SMYD3: variants seen among roughly 807,000 people sequenced by gnomAD.
The protein encoded by SMYD3 is SET and MYND domain containing 3.
A neutral mutation model predicts 57.7 loss-of-function variants in SMYD3; 36 were observed. The observed-to-expected ratio is 0.62, with a 90% CI of 0.48 to 0.82. SMYD3 has a LOEUF of 0.82. Among genes scored for constraint, SMYD3 ranks in the 40% least tolerant of loss-of-function variants. The pLI is 0.00. For synonymous variants in SMYD3, 211 were observed against 195.0 expected, an observed-to-expected ratio of 1.08 and a Z score of -0.68; for missense variants, 515 against 538.8, an observed-to-expected ratio of 0.96 and a Z score of 0.44.
chr1:246,139,097 G>A (rs2148106517), intron 5 of SMYD3, among the ~76,000 whole-genome samples: 1 of 152,258 alleles, frequency 6.6e-6, no homozygotes, highest in South Asian at 2.1e-4. Flanking sequence ...AATCAATAAG[G>A]AGTAATGGCG....
At chr1:246,402,076 A>G (rs1191747298) in intron 1 of SMYD3, among the ~76,000 whole-genome samples, 4 of 152,202 alleles carry the variant, frequency 2.6e-5, no homozygotes, top group Non-Finnish European at 5.9e-5. Context: ...TGAAAGAAGA[A>G]TAACCTCTCT....
intron 5 of SMYD3, among the ~76,000 whole-genome samples, chr1:246,250,833 A>T (rs753132204): frequency 7.2e-5 from 11 of 152,210 alleles, no homozygotes; most frequent in Non-Finnish European, 1.5e-4. Flanking sequence ...TAAAATGTAA[A>T]CCTGAAAGCC....
intron 5 of SMYD3, among the ~76,000 whole-genome samples, chr1:246,110,382 G>A (rs1363328044): frequency 6.6e-6 from 1 of 152,164 alleles, no homozygotes; most frequent in Non-Finnish European, 1.5e-5. Flanking sequence ...GAAGGGAGTG[G>A]GTAGATGAAT....
At chr1:246,213,359 A>T (rs2063118179) in intron 5 of SMYD3, among the ~76,000 whole-genome samples, 1 of 152,200 alleles carries the variant, frequency 6.6e-6, no homozygotes, top group African/African-American at 2.4e-5. Context: ...TACATTGGCT[A>T]GGGTCCAGCT....
chr1:246,494,095 C>T (rs1352932849), intron 1 of SMYD3, among the ~76,000 whole-genome samples: 1 of 152,206 alleles, frequency 6.6e-6, no homozygotes, highest in Non-Finnish European at 1.5e-5. Context: ...GACTCCTACA[C>T]AAATCTTCCA....
intron 5 of SMYD3, among the ~76,000 whole-genome samples, chr1:246,315,933 T>TA (rs150197908): frequency 0.025 from 3,799 of 151,980 alleles, 67 homozygotes; most frequent in Middle Eastern, 0.12. Flanking sequence ...TTTTTGCCCC[T>TA]AAAAAAAACA....
chr1:246,101,792 G>A (rs1454682686), intron 5 of SMYD3, among the ~76,000 whole-genome samples: 1 of 152,190 alleles, frequency 6.6e-6, no homozygotes, highest in African/African-American at 2.4e-5. Flanking sequence ...GCAAGCGTAA[G>A]ATAAACATTA....
At chr1:246,328,218 T>C (rs2065389798) in intron 4 of SMYD3, among the ~76,000 whole-genome samples, 5 of 151,932 alleles carry the variant, frequency 3.3e-5, no homozygotes, top group Admixed American at 3.3e-4. Flanking sequence ...AAAAACAAGA[T>C]ATGATGTGGC....
rs1166591747 is a variant in SMYD3 at position 246,396,653 on chromosome 1, A to AG, written c.165-41560dup. On this transcript the variant is annotated intron_variant, in intron 1 of 11. Coordinates refer to ENST00000490107, the MANE Select transcript of SMYD3 (RefSeq NM_001167740.2). ...GAATTATAATCCCCAGTGTTGAAGG[A>AG]GGGCCTGGTGGGGCACGACTGAATC... Among the ~76,000 whole-genome samples the AG allele has an allele frequency of 2.6e-5, 4 of 152,216 alleles. No homozygotes were observed. In the East Asian group the frequency reaches 7.7e-4, roughly 29 times the overall value.
chr1:246,029,052 T>C (rs1034090480), intron 5 of SMYD3, among the ~76,000 whole-genome samples: 2 of 152,158 alleles, frequency 1.3e-5, no homozygotes, highest in African/African-American at 2.4e-5. Context: ...GAGACCATTA[T>C]CACTGTATAC....
intron 1 of SMYD3, among the ~76,000 whole-genome samples, chr1:246,417,704 C>T (rs186147254): frequency 4.9e-4 from 74 of 152,244 alleles, no homozygotes; most frequent in East Asian, 1.5e-3. Flanking sequence ...TGACCTCCAG[C>T]AGTAACCAAG....
In SMYD3 at chr1:246,355,784, G is replaced by A. The variant is rs190664095; in HGVS notation, c.165-690C>T. 2.0e-5 allele frequency among the ~76,000 whole-genome samples: 3 copies of A among 152,118 alleles called. No homozygotes were observed. The highest frequency in any genetic ancestry group is 1.9e-4 in the East Asian group (1 of 5,156). On this transcript the variant is annotated intron_variant, in intron 1 of 11. Coordinates refer to ENST00000490107, the MANE Select transcript of SMYD3 (RefSeq NM_001167740.2). The surrounding 1 kb of genome is among the most constrained non-coding windows in gnomAD (Gnocchi z 5.0). ...CCACATCCCCATCCCAACAGCAGCC[G>A]CAGCAATCCCCAGCCAAGGAGAATC... is the stretch of plus-strand genomic sequence containing the variant.
chr1:246,092,523 C>T (rs1391481476), intron 5 of SMYD3, among the ~76,000 whole-genome samples: 10 of 152,092 alleles, frequency 6.6e-5, no homozygotes, highest in Admixed American at 5.9e-4. Flanking sequence ...AGGACACCCT[C>T]ATCAATAAAC....
At chr1:246,463,363 A>G (rs1243337380) in intron 1 of SMYD3, among the ~76,000 whole-genome samples, 1 of 152,192 alleles carries the variant, frequency 6.6e-6, no homozygotes, top group Non-Finnish European at 1.5e-5. Context: ...AGAGGGAGAG[A>G]GGATGTCACA....
In SMYD3 at chr1:246,399,590, C is replaced by T. The variant is rs144252434; in HGVS notation, c.165-44496G>A. 5.8e-3 allele frequency among the ~76,000 whole-genome samples: 885 copies of T among 152,198 alleles called. 3 individuals carry two copies. Among genetic ancestry groups the T allele is most frequent in the Middle Eastern group, 0.024 (7 of 294 alleles). ...AACTCCTGGGCTCAACTGATCTGCC[C>T]GGGTCAGCTTTCCAATAGTGCTGGG... On this transcript the variant is annotated intron_variant, in intron 1 of 11. Transcript: ENST00000490107.
At chr1:246,164,339 G>GA (rs1197770767) in intron 5 of SMYD3, among the ~76,000 whole-genome samples, 1 of 152,190 alleles carries the variant, frequency 6.6e-6, no homozygotes, top group Non-Finnish European at 1.5e-5. Context: ...AGAATCACTT[G>GA]AACCCGGGAG....
chr1:246,330,487 C>T lies in SMYD3; in HGVS notation c.387G>A (p.Leu129=). The change falls in exon 4 of 12, where the codon CTG becomes CTA. Residue 129 remains leucine (L), a synonymous_variant. Coordinates refer to ENST00000490107, the MANE Select transcript of SMYD3 (RefSeq NM_001167740.2). ...ESEKLYSFYD[L]ESNINKLTED... ...TGATAGACAATCACTTACTTGACTC[C>T]AGATCATAAAATGAGTAAAGCTTCT... The T allele has an allele frequency of 1.9e-6, 3 of 1,587,148 alleles. No homozygotes were observed. The highest frequency in any genetic ancestry group is 2.6e-6 in the Non-Finnish European group (3 of 1,168,602).
At chr1:246,380,541 C>G (rs1364312598) in intron 1 of SMYD3, among the ~76,000 whole-genome samples, 1 of 152,150 alleles carries the variant, frequency 6.6e-6, no homozygotes, top group Non-Finnish European at 1.5e-5. Flanking sequence ...TTCTGAATGC[C>G]ATATCCTTCC....
At chr1:246,390,176 T>C (rs1042348793) in intron 1 of SMYD3, among the ~76,000 whole-genome samples, 6 of 118,112 alleles carry the variant, frequency 5.1e-5, no homozygotes, top group African/African-American at 1.9e-4. Context: ...ATCATGCCAC[T>C]GCACTCCAGC....
Sources: gnomAD v4.1 joint callset for allele counts (sites outside exome capture counted in the v4.1 genomes callset) on GRCh38, gnomAD v4.1.1 for gene constraint, Gnocchi (gnomAD v3.1) non-coding constraint, MANE v1.5 for transcripts, NCBI Gene and HGNC (gene_info 2026-07-23, HGNC 2026-07-21) for gene names.